Variants in AKAP10 observed in about 807,000 individuals in gnomAD.
The protein encoded by AKAP10 is A-kinase anchor protein 10, mitochondrial.
A neutral mutation model predicts 80.8 loss-of-function variants in AKAP10; 24 were observed. The observed-to-expected ratio is 0.30, with a 90% CI of 0.22 to 0.42. The LOEUF is 0.42. Ranked by LOEUF, AKAP10 falls within the 10% of genes least tolerant of loss-of-function variation. The pLI is 1.00. For synonymous variants in AKAP10, 291 were observed against 277.7 expected (o/e 1.05, Z -0.48); for missense variants, 661 against 794.9 (o/e 0.83, Z 2.03).
In AKAP10 at chr17:19,939,161, CCT is replaced by C. The variant is rs532884347; in HGVS notation, c.1322+550_1322+551del. Among the ~76,000 whole-genome samples the C allele has an allele frequency of 2.0e-3, 303 of 152,260 alleles. 1 individual carries two copies. Among genetic ancestry groups the C allele is most frequent in the Middle Eastern group, 0.01 (3 of 294 alleles). On this transcript the variant is annotated intron_variant, in intron 8 of 14. Coordinates refer to ENST00000225737, the MANE Select transcript of AKAP10 (RefSeq NM_007202.4). ...TTTGTTTACTGTATGATGTTTCCAT[CCT>C]CTCATTTTCAGTGAAAACTAATAAA...
intron 2 of AKAP10, among the ~76,000 whole-genome samples, chr17:19,964,557 CT>C (rs1434032284): frequency 3.9e-5 from 6 of 152,034 alleles, no homozygotes; most frequent in Non-Finnish European, 8.8e-5. Context: ...AATTTTCAAA[CT>C]TTTTAAAAGC....
intron 7 of AKAP10, among the ~76,000 whole-genome samples, chr17:19,940,505 A>T (rs2152414375): frequency 6.6e-6 from 1 of 151,824 alleles, no homozygotes; most frequent in South Asian, 2.1e-4. Flanking sequence ...CTATCAAGTG[A>T]CTAAAGTAAA....
intron 1 of AKAP10, among the ~76,000 whole-genome samples, chr17:19,974,218 A>C (rs1466872186): frequency 6.6e-6 from 1 of 152,128 alleles, no homozygotes; most frequent in Non-Finnish European, 1.5e-5. Flanking sequence ...AAAAAGCCAA[A>C]ATACTACTTC....
chr17:19,968,708 G>A (rs1449918666), intron 1 of AKAP10, among the ~76,000 whole-genome samples: 1 of 152,056 alleles, frequency 6.6e-6, no homozygotes, highest in African/African-American at 2.4e-5. Context: ...CAACATCTGG[G>A]GTCAAATTCT....
At chr17:19,920,553 C>T (rs1005407337) in intron 11 of AKAP10, among the ~76,000 whole-genome samples, 1 of 151,862 alleles carries the variant, frequency 6.6e-6, no homozygotes, top group African/African-American at 2.4e-5. Context: ...AGTTAAAAAG[C>T]AAAAAGTGGC....
chr17:19,963,745 A>C (rs2043382064), intron 2 of AKAP10, among the ~76,000 whole-genome samples: 1 of 151,910 alleles, frequency 6.6e-6, no homozygotes, highest in Non-Finnish European at 1.5e-5. Flanking sequence ...AAATACAAAA[A>C]ATTAGCTGGG....
chr17:19,918,240 A>AG (rs1374963950), intron 12 of AKAP10, among the ~76,000 whole-genome samples: 1 of 151,240 alleles, frequency 6.6e-6, no homozygotes, highest in Non-Finnish European at 1.5e-5. Context: ...AAAAAAAAAA[A>AG]AAGAAAATAA....
At chr17:19,968,268 G>T in intron 2 of AKAP10, 146 bp downstream of exon 2, 2 of 531,336 alleles carry the variant, frequency 3.8e-6, no homozygotes, top group Non-Finnish European at 6.6e-6. Flanking sequence ...ACAGGTTAAA[G>T]AGGGAAATAA....
intron 4 of AKAP10, among the ~76,000 whole-genome samples, chr17:19,957,649 T>TA (rs1243938225): frequency 6.6e-6 from 1 of 152,238 alleles, no homozygotes; most frequent in Non-Finnish European, 1.5e-5. Flanking sequence ...TGGCAATTTT[T>TA]AAAAATTTTT....
chr17:19,949,658 C>G (rs2043176146), intron 4 of AKAP10, among the ~76,000 whole-genome samples: 1 of 151,348 alleles, frequency 6.6e-6, no homozygotes, highest in Non-Finnish European at 1.5e-5. Context: ...ATCCCAGCTA[C>G]TCAGTAGGCT....
chr17:19,916,614 C>T (rs1000887324), intron 12 of AKAP10, among the ~76,000 whole-genome samples: 1 of 151,564 alleles, frequency 6.6e-6, no homozygotes, highest in African/African-American at 2.4e-5. Context: ...TCTTCATGAG[C>T]TGTCAGAGGT....
rs780790696 is a variant in AKAP10 at position 19,931,865 on chromosome 17, A to T, written c.1581T>A (p.Pro527=). The part of the protein sequence containing the change: ...FLGGNVSLTA[P]GSVGPPDESH... The stretch of plus-strand genomic sequence containing the variant: ...ACTCATCAGGAGGGCCAACAGAGCC[A>T]GGAGCAGTCAGCGACACGTTCCCGC... The change falls in exon 10 of 15, where the codon CCT becomes CCA. Residue 527 remains proline, a synonymous_variant. Coordinates refer to ENST00000225737, the MANE Select transcript of AKAP10 (RefSeq NM_007202.4). The T allele has an allele frequency of 6.2e-7, 1 of 1,614,206 alleles. No homozygotes were observed. Among genetic ancestry groups the T allele is most frequent in the Non-Finnish European group, 8.5e-7 (1 of 1,180,034 alleles).
chr17:19,936,053 T>C, intron 9 of AKAP10: 1 of 359,774 alleles, frequency 2.8e-6, no homozygotes, highest in South Asian at 1.5e-4. Flanking sequence ...ACTACCAGCT[T>C]TGATCCATTA....
intron 8 of AKAP10, among the ~76,000 whole-genome samples, chr17:19,938,297 C>T (rs2043014998): frequency 6.8e-6 from 1 of 146,378 alleles, no homozygotes; most frequent in Admixed American, 7.0e-5. Flanking sequence ...AGTGCAGTGG[C>T]ATGATCTCCG....
In AKAP10 at chr17:19,977,764, C is replaced by G; in HGVS notation, c.-85G>C. On this transcript the variant is annotated 5_prime_UTR_variant, in exon 1 of 15. Transcript: ENST00000225737. ...CCCTTCTTCCGGGAGTGGGCCCCACCGCCTCCTCGGGATGCCCAGGCAGCT... is the reference window on the plus strand; with the variant it reads ...CCCTTCTTCCGGGAGTGGGCCCCACGGCCTCCTCGGGATGCCCAGGCAGCT... 1 of 866,246 alleles carries G rather than the reference C, an allele frequency of 1.2e-6. No homozygotes were observed. Among genetic ancestry groups the G allele is most frequent in the Non-Finnish European group, 1.5e-6 (1 of 652,048 alleles). The allele number at this position is 866,246 out of a possible 1,614,324, so 53.7% of individuals were successfully genotyped here. A position where few individuals can be genotyped will look rare whatever the true frequency, so the allele number is the denominator to read the frequency against.
At chr17:19,951,914 TAAAA>T (rs759583171) in intron 4 of AKAP10, among the ~76,000 whole-genome samples, 2 of 86,040 alleles carry the variant, frequency 2.3e-5, no homozygotes, top group African/African-American at 4.7e-5. Flanking sequence ...AAATAAGAAT[TAAAA>T]AAAAAAAAAA....
Position 19,977,748 on chromosome 17 carries a change from C to T in AKAP10, c.-69G>A. On this transcript the variant is annotated 5_prime_UTR_variant, in exon 1 of 15. Transcript: ENST00000225737. ...CTAGCGCGAAAAGGGACCCTTCTTC[C>T]GGGAGTGGGCCCCACCGCCTCCTCG... The T allele has an allele frequency of 9.9e-7, 1 of 1,005,668 alleles. No individual in the cohort carries two copies. The highest frequency in any genetic ancestry group is 1.3e-6 in the Non-Finnish European group (1 of 779,248). The allele number at this position is 1,005,668 out of a possible 1,614,324, so 62.3% of individuals were successfully genotyped here.
chr17:19,938,749 G>A (rs79246843), intron 8 of AKAP10, among the ~76,000 whole-genome samples: 14,737 of 147,732 alleles, frequency 0.1, 801 homozygotes, highest in Non-Finnish European at 0.13. Flanking sequence ...TTTTTTTTTG[G>A]AGACAGGGTC....
intron 10 of AKAP10, among the ~76,000 whole-genome samples, chr17:19,930,867 T>C (rs1047334271): frequency 6.6e-6 from 1 of 152,086 alleles, no homozygotes; most frequent in Non-Finnish European, 1.5e-5. Context: ...TGAGCCACCA[T>C]AACCAGCTAA....
Sources: allele counts gnomAD v4.1 joint callset (sites outside exome capture counted in the v4.1 genomes callset), GRCh38; gene constraint gnomAD v4.1.1; transcripts MANE v1.5; gene names NCBI Gene and HGNC (gene_info 2026-07-23, HGNC 2026-07-21).